Variants in GPHN observed in about 807,000 individuals in gnomAD.
GPHN encodes the protein gephyrin.
In GPHN, 17 loss-of-function variants were observed where a neutral mutation model predicts 95.5. That is an observed-to-expected ratio of 0.18 (90% confidence interval 0.12 to 0.27). GPHN has a LOEUF of 0.27. GPHN is among the 10% of genes least tolerant of loss of function. The probability of loss-of-function intolerance (pLI) is 1.00; values close to 1 mark genes in which losing one functional copy is unlikely to be tolerated. For synonymous variants in GPHN, 320 were observed against 322.5 expected (o/e 0.99, Z 0.08); for missense variants, 660 against 978.1 (o/e 0.67, Z 4.34).
the GPHN span, among the ~76,000 whole-genome samples, chr14:67,614,600 C>T: frequency 1.4e-5 from 2 of 140,724 alleles, no homozygotes; most frequent in African/African-American, 5.2e-5. Flanking sequence ...CCCATCTCTC[C>T]AAAAAAAAAA....
intron 1 of GPHN, among the ~76,000 whole-genome samples, chr14:66,633,105 A>G (rs2063909104): frequency 1.3e-5 from 2 of 152,108 alleles, no homozygotes; most frequent in African/African-American, 4.8e-5. Context: ...GTCTTCTGTC[A>G]ATATTAAATT....
At chr14:67,390,645 G>A in the GPHN span, 3 of 1,567,026 alleles carry the variant, frequency 1.9e-6, no homozygotes, top group Admixed American at 3.3e-5. Flanking sequence ...CCAACATGGA[G>A]CCAGCATGCG....
the GPHN span, among the ~76,000 whole-genome samples, chr14:67,627,974 G>C: frequency 1.3e-5 from 2 of 152,290 alleles, no homozygotes; most frequent in East Asian, 3.9e-4. Context: ...AAGAGTAAAT[G>C]TCTAGCAAAT....
At chr14:67,647,111 T>C in the GPHN span, 626 of 892,134 alleles carry the variant, frequency 7.0e-4, 8 homozygotes, top group South Asian at 9.2e-3. Context: ...GCTTTACTTT[T>C]AAAATACAAA....
At chr14:67,382,908 C>T in the GPHN span, among the ~76,000 whole-genome samples, 21 of 144,094 alleles carry the variant, frequency 1.5e-4, no homozygotes, top group African/African-American at 4.5e-4. Flanking sequence ...TGCGTGCGTG[C>T]GTGTGTGTGT....
intron 2 of GPHN, among the ~76,000 whole-genome samples, chr14:66,704,541 C>T (rs2068877956): frequency 6.6e-6 from 1 of 152,068 alleles, no homozygotes; most frequent in Non-Finnish European, 1.5e-5. Flanking sequence ...GGAGGTTGAA[C>T]AACCTGCTCC....
chr14:67,725,983 G>C, the GPHN span: 1 of 1,022,488 alleles, frequency 9.8e-7, no homozygotes, highest in Non-Finnish European at 1.6e-6. Flanking sequence ...GGGCAATTAT[G>C]CAGGTCTGTT....
At chr14:66,860,267 C>G (rs950264449) in intron 4 of GPHN, among the ~76,000 whole-genome samples, 1 of 152,140 alleles carries the variant, frequency 6.6e-6, no homozygotes, top group Admixed American at 6.5e-5. Context: ...TCTACTACAT[C>G]TGGCAGCAGA....
intron 11 of GPHN, among the ~76,000 whole-genome samples, chr14:67,073,763 G>A (rs781079799): frequency 1.3e-5 from 2 of 151,958 alleles, no homozygotes; most frequent in African/African-American, 2.4e-5. Context: ...TATGACATAA[G>A]AACTGTAATT....
intron 1 of GPHN, among the ~76,000 whole-genome samples, chr14:66,665,480 C>G (rs1404752372): frequency 1.3e-5 from 2 of 152,126 alleles, no homozygotes; most frequent in African/African-American, 2.4e-5. Flanking sequence ...ATTTATGCAG[C>G]CAACAGACAC....
the GPHN span, among the ~76,000 whole-genome samples, chr14:67,527,387 G>A: frequency 2.0e-5 from 3 of 152,070 alleles, no homozygotes; most frequent in Admixed American, 6.5e-5. Flanking sequence ...GCAGTGAGCC[G>A]ATATCGCACC....
chr14:66,612,734 C>T (rs2062836164), intron 1 of GPHN, among the ~76,000 whole-genome samples: 1 of 152,094 alleles, frequency 6.6e-6, no homozygotes, highest in Admixed American at 6.6e-5. Flanking sequence ...AGTCTTCCCA[C>T]CCTCATAGGA....
At chr14:67,377,942 C>CT in the GPHN span, among the ~76,000 whole-genome samples, 1 of 149,032 alleles carries the variant, frequency 6.7e-6, no homozygotes, top group Non-Finnish European at 1.5e-5. Context: ...ACTGCCATCT[C>CT]TAAAAAAAAA....
rs1000117893 is a variant in GPHN at position 66,539,409 on chromosome 14, C to CTTTTTTTT, written c.64+30833_64+30840dup. ...AAAAAGCTCAGCTGCTTTCTACTTT[C>CTTTTTTTT]TTTTTTTTTTTTTTTTTTTTTTGAG... On this transcript the variant is annotated intron_variant, in intron 1 of 22. Coordinates refer to ENST00000478722, the MANE Select transcript of GPHN (RefSeq NM_020806.5). Among the ~76,000 whole-genome samples the CTTTTTTTT allele has an allele frequency of 9.3e-4, 95 of 101,796 alleles. 3 individuals are homozygous for CTTTTTTTT. Among genetic ancestry groups the CTTTTTTTT allele is most frequent in the African/African-American group, 3.2e-3 (74 of 23,312 alleles). 66.8% of individuals were successfully genotyped at this position (101,796 alleles called of 152,430 possible). A position where few individuals can be genotyped will look rare whatever the true frequency, so the allele number is the denominator to read the frequency against.
intron 2 of GPHN, among the ~76,000 whole-genome samples, chr14:66,752,379 CT>C (rs2058399211): frequency 6.6e-6 from 1 of 152,042 alleles, no homozygotes; most frequent in South Asian, 2.1e-4. Context: ...TCATTTCTAG[CT>C]TTTGATTTAA....
At chr14:67,073,748 T>G (rs1435678031) in intron 11 of GPHN, among the ~76,000 whole-genome samples, 3 of 152,186 alleles carry the variant, frequency 2.0e-5, no homozygotes, top group Non-Finnish European at 2.9e-5. Context: ...AAGCTTATTT[T>G]ATTTTATGAC....
intron 1 of GPHN, 100 bp from the exon 2 acceptor site, chr14:66,681,007 A>G (rs1363347335): frequency 2.8e-6 from 2 of 713,568 alleles, no homozygotes; most frequent in Admixed American, 2.3e-5. Flanking sequence ...ATGAAAAAAA[A>G]AAAGCTATTT....
At chr14:67,575,300 A>C in the GPHN span, 1 of 739,756 alleles carries the variant, frequency 1.4e-6, no homozygotes, top group African/African-American at 1.8e-5. Flanking sequence ...CCATAGGTCA[A>C]ATCTGTCTCC....
chr14:66,673,155 C>T lies in GPHN; in HGVS notation c.65-7952C>T, dbSNP rs374960114. ...TCTCCCGGGCTGGAGTACAGTGGCG[C>T]GATCTCTGCTCACTGCAACCTCCGC... On this transcript the variant is annotated intron_variant, in intron 1 of 22. Transcript: ENST00000478722. Among the ~76,000 whole-genome samples the T allele has an allele frequency of 1.2e-3, 186 of 152,192 alleles. 1 individual carries two copies. Among genetic ancestry groups the T allele is most frequent in the African/African-American group, 4.0e-3 (168 of 41,540 alleles).
Sources: gnomAD v4.1 joint callset for allele counts (sites outside exome capture counted in the v4.1 genomes callset) on GRCh38, gnomAD v4.1.1 for gene constraint, MANE v1.5 for transcripts, NCBI Gene and HGNC (gene_info 2026-07-23, HGNC 2026-07-21) for gene names.